Variants in GBF1 observed in about 807,000 individuals in gnomAD.
GBF1 encodes the protein Golgi-specific brefeldin A-resistance guanine nucleotide exchange factor 1.
GBF1 carries 114 observed loss-of-function variants against 210.5 expected under a neutral mutation model. That is an observed-to-expected ratio of 0.54 (90% CI 0.47 to 0.63). The LOEUF (loss-of-function observed/expected upper bound fraction) is 0.63, where lower values mean the gene tolerates loss of function less well. GBF1 is among the 30% of genes least tolerant of loss of function. The pLI, the probability that GBF1 is intolerant of heterozygous loss-of-function variation, is 0.00. For missense variants in GBF1, 1,851 were observed against 2,357.7 expected (o/e 0.79, Z 4.45); for synonymous variants, 850 against 889.2 (o/e 0.96, Z 0.78).
chr10:102,358,408 C>T, intron 9 of GBF1, 98 bp from the exon 10 acceptor site: 1 of 873,302 alleles, frequency 1.1e-6, no homozygotes, highest in Non-Finnish European at 1.8e-6. Context: ...CAAAGATAAG[C>T]ATGTAATCTG....
chr10:102,364,174 G>A (rs555450952), intron 17 of GBF1, among the ~76,000 whole-genome samples: 2 of 146,130 alleles, frequency 1.4e-5, no homozygotes, highest in African/African-American at 5.0e-5. Flanking sequence ...CTTTAGTAAG[G>A]TTCAAATAGT....
At chr10:102,368,560 T>C (rs2060033696) in intron 22 of GBF1, 106 bp downstream of exon 22, 33 of 849,230 alleles carry the variant, frequency 3.9e-5, no homozygotes, top group Non-Finnish European at 6.4e-5. Flanking sequence ...AGAATGGGGT[T>C]CCCCCTGAGT....
intron 22 of GBF1, 23 bp from the exon 23 acceptor site, chr10:102,368,716 T>C: frequency 1.9e-6 from 3 of 1,570,016 alleles, no homozygotes; most frequent in Non-Finnish European, 2.6e-6. Context: ...ACTCTGTTTC[T>C]GGGATGGGGG....
rs369057926 is a variant in GBF1 at position 102,376,717 on chromosome 10, G to A, written c.4205G>A (p.Arg1402His). Residue 1402 changes from arginine (R) to histidine (H), a missense_variant, in exon 32 of 40, where the codon CGT (arginine) becomes CAT (histidine). Arg to His is a conservative substitution (Grantham distance 29). Around this residue, in one of 3 missense-constraint regions of GBF1, gnomAD observed 967 missense variants for 1,247.7 expected, o/e 0.78. Coordinates refer to ENST00000369983, the MANE Select transcript of GBF1 (RefSeq NM_001377137.1). Reference protein sequence around the residue: ...KCVESLSFIVRDAAHITPDNF... With the variant: ...KCVESLSFIVHDAAHITPDNF... ...GTGGAATCGCTGTCCTTCATTGTGC[G>A]TGATGCTGCCCACATCACACCTGAC... 6.8e-6 allele frequency: 11 copies of A among 1,612,224 alleles called. No homozygotes were observed. In the African/African-American group the frequency reaches 8.0e-5, roughly 12 times the overall value.
intron 2 of GBF1, among the ~76,000 whole-genome samples, 174 bp downstream of exon 2, chr10:102,259,208 T>G (rs1307298606): frequency 1.3e-5 from 2 of 152,224 alleles, no homozygotes; most frequent in East Asian, 3.8e-4. Context: ...AGGCTATCTT[T>G]TTTTCTCTGG....
At chr10:102,279,217 G>A (rs72845653) in intron 3 of GBF1, among the ~76,000 whole-genome samples, 4,722 of 152,208 alleles carry the variant, frequency 0.031, 124 homozygotes, top group Non-Finnish European at 0.051. Flanking sequence ...TTGAAAATTG[G>A]AAAAAGGTTT....
intron 4 of GBF1, among the ~76,000 whole-genome samples, chr10:102,345,534 C>G (rs1245635773): frequency 6.7e-6 from 1 of 149,622 alleles, no homozygotes; most frequent in East Asian, 2.0e-4. Flanking sequence ...GTAATCCCAG[C>G]TACTCAGGAG....
intron 1 of GBF1, among the ~76,000 whole-genome samples, chr10:102,258,337 G>A (rs955181379): frequency 1.3e-5 from 2 of 150,774 alleles, no homozygotes; most frequent in Non-Finnish European, 3.0e-5. Flanking sequence ...TGTGTTTTTA[G>A]TGGAGAGAGG....
intron 3 of GBF1, among the ~76,000 whole-genome samples, chr10:102,310,099 G>A (rs900707522): frequency 7.2e-5 from 11 of 152,222 alleles, no homozygotes; most frequent in Admixed American, 2.6e-4. Context: ...AGGTGGATTT[G>A]TTGTTGGTAG....
At chr10:102,283,864 T>A (rs2075721144) in intron 3 of GBF1, among the ~76,000 whole-genome samples, 1 of 152,304 alleles carries the variant, frequency 6.6e-6, no homozygotes, top group South Asian at 2.1e-4. Flanking sequence ...AATTTCTTAC[T>A]GTGGTCTTGT....
intron 3 of GBF1, among the ~76,000 whole-genome samples, chr10:102,263,486 T>C (rs2073477191): frequency 6.6e-6 from 1 of 152,222 alleles, no homozygotes. Context: ...GCTGGCTTGA[T>C]TGGTAAGACT....
Position 102,368,325 on chromosome 10 carries a change from G to T in GBF1, c.2750G>T (p.Arg917Leu). The T allele has an allele frequency of 1.9e-6, 3 of 1,613,678 alleles. No homozygotes were observed. The highest frequency in any genetic ancestry group is 1.7e-6 in the Non-Finnish European group (2 of 1,179,536). ...RGATPEGIFLRVPTASYDLDL... is the reference protein window; with the variant it reads ...RGATPEGIFLLVPTASYDLDL... ...GCCACCCCTGAGGGCATATTCCTGC[G>T]TGTGCCTACTGCCAGCTATGATCTT... Residue 917 changes from arginine to leucine, a missense_variant, in exon 22 of 40, where the codon CGT becomes CTT. This residue lies in a region of GBF1 where 967 missense variants were observed against 1,247.7 expected (regional missense o/e 0.78). Transcript: ENST00000369983.
chr10:102,230,718 C>T, the GBF1 span: 14 of 1,544,440 alleles, frequency 9.1e-6, no homozygotes, highest in African/African-American at 1.4e-5. Context: ...AAGGGCAGGA[C>T]ACGGCCCCGG....
At chr10:102,342,366 G>T (rs972883024) in intron 3 of GBF1, among the ~76,000 whole-genome samples, 1 of 151,460 alleles carries the variant, frequency 6.6e-6, no homozygotes, top group Middle Eastern at 3.2e-3. Flanking sequence ...AGTACGTTAT[G>T]TATTTCAGTT....
At chr10:102,257,143 T>G (rs1471096128) in intron 1 of GBF1, among the ~76,000 whole-genome samples, 1 of 152,230 alleles carries the variant, frequency 6.6e-6, no homozygotes, top group Non-Finnish European at 1.5e-5. Flanking sequence ...GTTATAAGTT[T>G]GGGTATATTA....
At position 102,260,121 on chromosome 10, in the gene GBF1, G is replaced by A; in HGVS notation, c.163+5G>A. ...AGGTTTTAAACAGTATAACAGGTAA[G>A]TCTCCATATGTATGTGGATTACTAA... On this transcript the variant is annotated splice_donor_5th_base_variant and intron_variant, in intron 3 of 39. Coordinates refer to ENST00000369983, the MANE Select transcript of GBF1 (RefSeq NM_001377137.1). 7.1e-7 allele frequency: 1 copy of A among 1,398,874 alleles called. No individual in the cohort carries two copies. The highest frequency in any genetic ancestry group is 1.0e-6 in the Non-Finnish European group (1 of 987,682). 86.7% of individuals were successfully genotyped at this position (1,398,874 alleles called of 1,614,324 possible). A position where few individuals can be genotyped will look rare whatever the true frequency, so the allele number is the denominator to read the frequency against.
chr10:102,360,887 A>G (rs2059561345), intron 12 of GBF1, 135 bp from the exon 13 acceptor site: 1 of 648,788 alleles, frequency 1.5e-6, no homozygotes, highest in African/African-American at 1.8e-5. Context: ...AGGAAGGAGA[A>G]TATCTTAAAC....
Position 102,366,297 on chromosome 10 carries a change from G to A in GBF1, c.2310-86G>A. 3 of 1,438,988 alleles carry A rather than the reference G, an allele frequency of 2.1e-6. No homozygotes were observed. The highest frequency in any genetic ancestry group is 2.9e-6 in the Non-Finnish European group (3 of 1,029,716). The allele number at this position is 1,438,988 out of a possible 1,614,324, so 89.1% of individuals were successfully genotyped here. A position where few individuals can be genotyped will look rare whatever the true frequency, so the allele number is the denominator to read the frequency against. ...ACCTCAGCCTCCTCTCTTCCAGTAA[G>A]AGTAGGTTAGGAGGACAGTGACTAA... is the stretch of plus-strand genomic sequence containing the variant. On this transcript the variant is annotated intron_variant, in intron 18 of 39. Coordinates refer to ENST00000369983, the MANE Select transcript of GBF1 (RefSeq NM_001377137.1). This position sits in a 1 kb window ranked among gnomAD's most constrained non-coding sequence, Gnocchi z 4.0.
At chr10:102,268,481 G>T (rs550166497) in intron 3 of GBF1, among the ~76,000 whole-genome samples, 14 of 152,202 alleles carry the variant, frequency 9.2e-5, no homozygotes, top group Non-Finnish European at 1.6e-4. Flanking sequence ...TGTTTTTATT[G>T]CATTTGTCCT....
Sources: gnomAD v4.1 joint callset for allele counts (sites outside exome capture counted in the v4.1 genomes callset) on GRCh38, gnomAD v4.1.1 for gene constraint, gnomAD v4.1.1 regional missense constraint, Gnocchi (gnomAD v3.1) non-coding constraint, MANE v1.5 for transcripts, NCBI Gene and HGNC (gene_info 2026-07-23, HGNC 2026-07-21) for gene names.